The following CNTN2 variants were observed in gnomAD, a reference collection of about 807,000 sequenced individuals.
The protein encoded by CNTN2 is contactin 2.
In CNTN2, 53 loss-of-function variants were observed where a neutral mutation model predicts 117.5. The observed-to-expected ratio is 0.45, with a 90% confidence interval of 0.36 to 0.57. CNTN2 has a LOEUF of 0.57. CNTN2 is among the 20% of genes least tolerant of loss of function. CNTN2 has a pLI of 0.00. For synonymous variants in CNTN2, 530 were observed against 561.7 expected (o/e 0.94, Z 0.80); for missense variants, 1,106 against 1,404.3 (o/e 0.79, Z 3.39).
intron 18 of CNTN2, 178 bp downstream of exon 18, chr1:205,070,239 G>A: frequency 2.7e-6 from 2 of 741,850 alleles, no homozygotes; most frequent in South Asian, 1.8e-5. Flanking sequence ...TCCCTTCGGG[G>A]TTAGGAAAAG....
chr1:205,055,948 C>T (rs1243009967), intron 2 of CNTN2, among the ~76,000 whole-genome samples: 1 of 152,110 alleles, frequency 6.6e-6, no homozygotes, highest in Non-Finnish European at 1.5e-5. Context: ...CCATGGCCAT[C>T]TATAGCTGTG....
intron 19 of CNTN2, 54 bp from the exon 20 acceptor site, chr1:205,071,893 G>A: frequency 6.5e-7 from 1 of 1,530,578 alleles, no homozygotes; most frequent in Non-Finnish European, 8.8e-7. Context: ...GGCCGGGGCA[G>A]CCCTGAGATC....
At position 205,066,513 on chromosome 1, in the gene CNTN2, G is replaced by A. The variant is rs755073680; in HGVS notation, c.1889G>A (p.Arg630His). ...GDTTIQLSWS[R>H]GFDNHSPIAK... ...ACCACCATCCAGCTCAGCTGGAGCC[G>A]TGGCTTCGACAACCACAGCCCCATC... The change falls in exon 15 of 23, where the codon CGT becomes CAT. Residue 630 changes from arginine to histidine, a missense_variant. By Grantham distance (29) the Arg-to-His change is conservative. Transcript: ENST00000331830. The A allele has an allele frequency of 3.7e-6, 6 of 1,614,054 alleles. No individual in the cohort carries two copies. Among genetic ancestry groups the A allele is most frequent in the South Asian group, 2.2e-5 (2 of 91,086 alleles).
At chr1:205,070,183 T>C (rs951505013) in intron 18 of CNTN2, 122 bp downstream of exon 18, 2 of 960,264 alleles carry the variant, frequency 2.1e-6, no homozygotes, top group South Asian at 3.1e-5. Flanking sequence ...AGAGGACACC[T>C]GGGTTCCACA....
In CNTN2 at chr1:205,076,882, C is replaced by G. The variant is rs1654889603; in HGVS notation, c.*3117C>G. ...AAATGGTGCCAGGGAGTGGCAAGGCCATGGGGGTAGGTGGGGGTGTCTTTT... is the reference window on the plus strand; with the variant it reads ...AAATGGTGCCAGGGAGTGGCAAGGCGATGGGGGTAGGTGGGGGTGTCTTTT... On this transcript the variant is annotated 3_prime_UTR_variant, in exon 23 of 23. Transcript: ENST00000331830. 6.6e-6 allele frequency: 1 copy of G among 152,190 alleles called. No individual in the cohort carries two copies. The highest frequency in any genetic ancestry group is 2.4e-5 in the African/African-American group (1 of 41,408). The allele number at this position is 152,190 out of a possible 1,614,324, so 9.4% of individuals were successfully genotyped here. A position where few individuals can be genotyped will look rare whatever the true frequency, so the allele number is the denominator to read the frequency against.
chr1:205,077,053 A>G lies in CNTN2; in HGVS notation c.*3288A>G, dbSNP rs927812578. On this transcript the variant is annotated 3_prime_UTR_variant, in exon 23 of 23. Transcript: ENST00000331830. ...TTGAGGAATTTTGACAGCTGTTGAC[A>G]TGGGATTTGGGAAAGGTGAAGCTGT... 3.9e-5 allele frequency: 6 copies of G among 152,220 alleles called. No homozygotes were observed. The highest frequency in any genetic ancestry group is 3.3e-4 in the Admixed American group (5 of 15,284). The allele number at this position is 152,220 out of a possible 1,614,324, so 9.4% of individuals were successfully genotyped here. A position where few individuals can be genotyped will look rare whatever the true frequency, so the allele number is the denominator to read the frequency against.
chr1:205,059,149 G>C lies in CNTN2; in HGVS notation c.553G>C (p.Val185Leu). The change falls in exon 6 of 23, where the codon GTG (valine) becomes CTG (leucine). Residue 185 changes from valine to leucine, a missense_variant. Transcript: ENST00000331830. The surrounding 1 kb of genome is among the most constrained non-coding windows in gnomAD (Gnocchi z 5.6). ...NFIPTDGRHFVSQTTGNLYIA... is the reference protein window; with the variant it reads ...NFIPTDGRHFLSQTTGNLYIA... ...CATCCCGACGGACGGGCGTCACTTC[G>C]TGTCCCAGACCACAGGGAACCTGTA... 1 of 1,614,186 alleles carries C rather than the reference G, an allele frequency of 6.2e-7. No homozygotes were observed. Among genetic ancestry groups the C allele is most frequent in the South Asian group, 1.1e-5 (1 of 91,082 alleles).
intron 2 of CNTN2, among the ~76,000 whole-genome samples, chr1:205,054,436 A>G (rs551928143): frequency 1.3e-5 from 2 of 152,186 alleles, no homozygotes; most frequent in South Asian, 2.1e-4. Context: ...TACCTGTCCA[A>G]GGGTCCACCA....
rs1240725286 is a variant in CNTN2, at chr1:205,059,388, T to C, written c.697+95T>C. 9.8e-6 allele frequency: 13 copies of C among 1,330,864 alleles called. No homozygotes were observed. Among genetic ancestry groups the C allele is most frequent in the Non-Finnish European group, 1.3e-5 (12 of 953,004 alleles). The allele number at this position is 1,330,864 out of a possible 1,614,324, so 82.4% of individuals were successfully genotyped here. ...TTCCTTTGGAGATTGGAAGATCAGC[T>C]TGCAGGGCACTGATTCCAGGCCCTG... is the stretch of plus-strand genomic sequence containing the variant. On this transcript the variant is annotated intron_variant, in intron 6 of 22. Coordinates refer to ENST00000331830, the MANE Select transcript of CNTN2 (RefSeq NM_005076.5). The surrounding 1 kb of genome is among the most constrained non-coding windows in gnomAD (Gnocchi z 5.6).
chr1:205,070,517 TGGTATCCTCCTGG>T lies in CNTN2; in HGVS notation c.2529_2541del (p.Ile843MetfsTer18). ...GGGAACCCGTGCAGCAGGACATGAATGGTATCCTCCTGGGGTATGAGGTGAGCACCAACCTGGG... is the reference window on the plus strand; with the variant it reads ...GGGAACCCGTGCAGCAGGACATGAATGGTATGAGGTGAGCACCAACCTGGG... On this transcript the variant is annotated frameshift_variant, in exon 19 of 23. Transcript: ENST00000331830. LOFTEE classifies it high-confidence loss of function. 1 of 1,613,690 alleles carries T rather than the reference TGGTATCCTCCTGG, an allele frequency of 6.2e-7. No individual in the cohort carries two copies. Among genetic ancestry groups the T allele is most frequent in the Non-Finnish European group, 8.5e-7 (1 of 1,179,774 alleles).
At position 205,059,891 on chromosome 1, in the gene CNTN2, A is replaced by C. The variant is rs1303988293; in HGVS notation, c.797+209A>C. Reference sequence around the variant, plus strand: ...CATATGCCAGGGGCCTTCCATGGCCAGGATCACTTGGTCTTCCAGCAGTGC... The same window carrying C: ...CATATGCCAGGGGCCTTCCATGGCCCGGATCACTTGGTCTTCCAGCAGTGC... On this transcript the variant is annotated intron_variant, in intron 7 of 22. Coordinates refer to ENST00000331830, the MANE Select transcript of CNTN2 (RefSeq NM_005076.5). The surrounding 1 kb of genome is among the most constrained non-coding windows in gnomAD (Gnocchi z 5.6). The C allele has an allele frequency of 1.2e-4, 66 of 573,280 alleles. No homozygotes were observed. Among genetic ancestry groups the C allele is most frequent in the Non-Finnish European group, 9.4e-6 (3 of 319,170 alleles). The allele number at this position is 573,280 out of a possible 1,614,324, so 35.5% of individuals were successfully genotyped here.
Position 205,062,268 on chromosome 1 carries a change from G to A in CNTN2, c.1111-172G>A, listed in dbSNP as rs552246144. ...CACCCTTCCAGCTTTGGGGAGGCCT[G>A]GGTAATCTGCATCCTGAGGTTCCAG... On this transcript the variant is annotated intron_variant, in intron 9 of 22. Coordinates refer to ENST00000331830, the MANE Select transcript of CNTN2 (RefSeq NM_005076.5). The A allele has an allele frequency of 2.3e-5, 22 of 976,686 alleles. No homozygotes were observed. The African/African-American group carries it at 3.5e-4, about 15-fold the overall frequency. The allele number at this position is 976,686 out of a possible 1,614,324, so 60.5% of individuals were successfully genotyped here.
intron 18 of CNTN2, 40 bp downstream of exon 18, chr1:205,070,101 C>T (rs771621607): frequency 1.3e-6 from 2 of 1,584,024 alleles, no homozygotes; most frequent in East Asian, 4.5e-5. Flanking sequence ...CCTACCCCAG[C>T]CACTTGTCCA....
chr1:205,067,381 C>T, intron 16 of CNTN2, 131 bp downstream of exon 16: 2 of 1,096,982 alleles, frequency 1.8e-6, no homozygotes, highest in Non-Finnish European at 2.5e-6. Context: ...TCTCACAAAA[C>T]AGAGGAGGAC....
At chr1:205,069,334 A>G in intron 16 of CNTN2, 157 bp from the exon 17 acceptor site, 2 of 589,914 alleles carry the variant, frequency 3.4e-6, no homozygotes, top group East Asian at 5.9e-5. Flanking sequence ...GGACTGCCTG[A>G]CTCCAAAGCC....
In CNTN2 at chr1:205,069,475, C is replaced by T. The variant is rs202038605; in HGVS notation, c.2126-16C>T. 1.2e-5 allele frequency: 19 copies of T among 1,613,812 alleles called. No individual in the cohort carries two copies. In the Admixed American group the frequency reaches 1.7e-4, roughly 14 times the overall value. ...CTCATTAACAAGCCATATCGGTGTC[C>T]CTTGGCCCTTGACAGCCCCCTCGGT... On this transcript the variant is annotated splice_polypyrimidine_tract_variant and intron_variant, in intron 16 of 22. Transcript: ENST00000331830.
At position 205,077,797 on chromosome 1, in the gene CNTN2, C is replaced by T. The variant is rs1348567300; in HGVS notation, c.*4032C>T. ...GGCCCCAAGACTCCTCCAACTTACC[C>T]GTCCCATCCAGGGCCTGCACAGCTT... On this transcript the variant is annotated 3_prime_UTR_variant, in exon 23 of 23. Coordinates refer to ENST00000331830, the MANE Select transcript of CNTN2 (RefSeq NM_005076.5). 1.3e-5 allele frequency: 2 copies of T among 152,286 alleles called. No individual in the cohort carries two copies. Among genetic ancestry groups the T allele is most frequent in the African/African-American group, 2.4e-5 (1 of 41,446 alleles). The allele number at this position is 152,286 out of a possible 1,614,324, so 9.4% of individuals were successfully genotyped here. A position where few individuals can be genotyped will look rare whatever the true frequency, so the allele number is the denominator to read the frequency against.
rs534584312 is a variant in CNTN2 at position 205,048,637 on chromosome 1, C to T, written c.-86-4463C>T. On this transcript the variant is annotated intron_variant, in intron 1 of 22. Transcript: ENST00000331830. This position sits in a 1 kb window ranked among gnomAD's most constrained non-coding sequence, Gnocchi z 4.1. Reference sequence around the variant, plus strand: ...CCAGCCTTGCTCCTGACAAAAAGGCCTCCTCCATCCTGGGCATTCTAGAAC... The same window carrying T: ...CCAGCCTTGCTCCTGACAAAAAGGCTTCCTCCATCCTGGGCATTCTAGAAC... Among the ~76,000 whole-genome samples the T allele has an allele frequency of 6.6e-6, 1 of 152,228 alleles. No homozygotes were observed. Among genetic ancestry groups the T allele is most frequent in the East Asian group, 1.9e-4 (1 of 5,196 alleles).
chr1:205,063,678 A>T (rs1229372644), intron 10 of CNTN2: 1 of 151,338 alleles, frequency 6.6e-6, no homozygotes, highest in Non-Finnish European at 1.5e-5. Context: ...AGAAAGAAAG[A>T]AAGAAAGAAA....
Sources: gnomAD v4.1 joint callset for allele counts (sites outside exome capture counted in the v4.1 genomes callset) on GRCh38, gnomAD v4.1.1 for gene constraint, Gnocchi (gnomAD v3.1) non-coding constraint, MANE v1.5 for transcripts, NCBI Gene and HGNC (gene_info 2026-07-23, HGNC 2026-07-21) for gene names.